The following SERINC5 variants were observed in gnomAD, a reference collection of about 807,000 sequenced individuals.
The protein encoded by SERINC5 is chromosome 5 open reading frame 12.
Under a neutral mutation model 63.1 loss-of-function variants are expected in SERINC5, and 41 were observed. That is an observed-to-expected ratio of 0.65 (90% CI 0.51 to 0.84). The LOEUF (loss-of-function observed/expected upper bound fraction) is 0.84. Ranked by LOEUF, SERINC5 falls within the 40% of genes least tolerant of loss-of-function variation. The pLI, the probability that SERINC5 is intolerant of heterozygous loss-of-function variation, is 0.00. For missense variants in SERINC5, 523 were observed against 573.0 expected, an observed-to-expected ratio of 0.91 and a Z score of 0.89; for synonymous variants, 222 against 215.2, an observed-to-expected ratio of 1.03 and a Z score of -0.28.
intron 12 of SERINC5, chr5:80,111,748 T>A (rs1048586473): frequency 6.6e-6 from 1 of 152,150 alleles, no homozygotes; most frequent in Non-Finnish European, 1.5e-5. Context: ...GTATCACAAG[T>A]GTGTCTATTT....
At chr5:80,202,316 A>C (rs1359850599) in intron 2 of SERINC5, among the ~76,000 whole-genome samples, 1 of 152,184 alleles carries the variant, frequency 6.6e-6, no homozygotes, top group East Asian at 1.9e-4. Context: ...AAAAGATAGT[A>C]TATTTCATCA....
intron 6 of SERINC5, among the ~76,000 whole-genome samples, chr5:80,168,926 G>T (rs903942350): frequency 6.6e-6 from 1 of 152,146 alleles, no homozygotes; most frequent in Admixed American, 6.5e-5. Flanking sequence ...ACTGTCCACA[G>T]CCTTGAGTGA....
chr5:80,180,675 C>G (rs988701157), intron 2 of SERINC5, among the ~76,000 whole-genome samples: 8 of 152,140 alleles, frequency 5.3e-5, no homozygotes, highest in Non-Finnish European at 7.4e-5. Context: ...GAGGCAAATG[C>G]AACATTCTCC....
At chr5:80,222,370 T>C (rs1460431630) in intron 1 of SERINC5, among the ~76,000 whole-genome samples, 2 of 152,086 alleles carry the variant, frequency 1.3e-5, no homozygotes, top group East Asian at 1.9e-4. Flanking sequence ...TTATCTCCTG[T>C]TATTACCTCA....
intron 1 of SERINC5, among the ~76,000 whole-genome samples, chr5:80,232,997 T>C (rs1481858838): frequency 6.6e-6 from 1 of 152,176 alleles, no homozygotes; most frequent in African/African-American, 2.4e-5. Flanking sequence ...TGACTGCTAA[T>C]AAGCATAGAG....
At position 80,145,516 on chromosome 5, in the gene SERINC5, T is replaced by C. The variant is rs114493558; in HGVS notation, c.1238+574A>G. 6.2e-3 allele frequency among the ~76,000 whole-genome samples: 942 copies of C among 151,870 alleles called. 8 individuals carry two copies. The highest frequency in any genetic ancestry group is 0.022 in the African/African-American group (912 of 41,380). On this transcript the variant is annotated intron_variant, in intron 11 of 11. Coordinates refer to ENST00000507668, the MANE Select transcript of SERINC5 (RefSeq NM_001174072.3). ...AAAAAGATGTTTCCAATTTTTGTAA[T>C]GAAAATGAAGAAAAATGGGGAAAAA...
chr5:80,113,248 C>T (rs984849388), intron 12 of SERINC5, among the ~76,000 whole-genome samples: 3 of 152,168 alleles, frequency 2.0e-5, no homozygotes, highest in Admixed American at 2.0e-4. Flanking sequence ...TCAACAAATT[C>T]ATCCCCTCTA....
chr5:80,251,965 T>C (rs559810436), intron 1 of SERINC5, among the ~76,000 whole-genome samples: 3 of 62,754 alleles, frequency 4.8e-5, no homozygotes, highest in Non-Finnish European at 7.2e-5. Context: ...CCAATCCCTA[T>C]TGTCAAACTG....
chr5:80,210,769 C>A (rs983629036), intron 1 of SERINC5, among the ~76,000 whole-genome samples: 2 of 152,204 alleles, frequency 1.3e-5, no homozygotes, highest in African/African-American at 2.4e-5. Flanking sequence ...AACCAGAGAA[C>A]CTGGACTCAA....
In SERINC5 at chr5:80,141,735, C is replaced by T. The variant is rs916400881; in HGVS notation, c.*1928G>A. 3.0e-5 allele frequency: 30 copies of T among 985,350 alleles called. No individual in the cohort carries two copies. Among genetic ancestry groups the T allele is most frequent in the African/African-American group, 8.7e-5 (5 of 57,240 alleles). The allele number at this position is 985,350 out of a possible 1,614,324, so 61.0% of individuals were successfully genotyped here. ...CTAACTGATTCCTCAGGTTAGAACA[C>T]GGCTTTTCATTTTGCGACTCCAGAT... On this transcript the variant is annotated 3_prime_UTR_variant, in exon 12 of 12. Transcript: ENST00000507668.
chr5:80,139,496 A>C lies in SERINC5; in HGVS notation c.*4167T>G. ...CCTTCCCCATTTGTTTCTTTCTGAAAGGATTTTGCTTAAGGAAAAAAAAAG... is the reference window on the plus strand; with the variant it reads ...CCTTCCCCATTTGTTTCTTTCTGAACGGATTTTGCTTAAGGAAAAAAAAAG... On this transcript the variant is annotated 3_prime_UTR_variant, in exon 12 of 12. Coordinates refer to ENST00000507668, the MANE Select transcript of SERINC5 (RefSeq NM_001174072.3). 1.0e-6 allele frequency: 1 copy of C among 985,344 alleles called. No homozygotes were observed. The highest frequency in any genetic ancestry group is 1.2e-6 in the Non-Finnish European group (1 of 829,920). 61.0% of individuals were successfully genotyped at this position (985,344 alleles called of 1,614,324 possible).
At chr5:80,224,941 T>G (rs1388676510) in intron 1 of SERINC5, among the ~76,000 whole-genome samples, 1 of 71,914 alleles carries the variant, frequency 1.4e-5, no homozygotes, top group Non-Finnish European at 2.9e-5. Flanking sequence ...TTTTGTTTTT[T>G]TTTGTTTTTT....
Position 80,113,674 on chromosome 5 carries a change from A to C in SERINC5, c.1239-49T>G, listed in dbSNP as rs148536110. 5.1e-3 allele frequency: 1,107 copies of C among 216,546 alleles called. 10 individuals are homozygous for C. Among genetic ancestry groups the C allele is most frequent in the African/African-American group, 0.012 (520 of 43,024 alleles). 13.4% of individuals were successfully genotyped at this position (216,546 alleles called of 1,614,324 possible). Reference sequence around the variant, plus strand: ...AAAGAGGGAGAAGCAAAAGCAGAAAACCCTGATAAACCCATCAGCTCTCAT... The same window carrying C: ...AAAGAGGGAGAAGCAAAAGCAGAAACCCCTGATAAACCCATCAGCTCTCAT... On this transcript the variant is annotated intron_variant, in intron 11 of 12. Transcript: ENST00000509193.
At position 80,169,485 on chromosome 5, in the gene SERINC5, T is replaced by C. The variant is rs547222343; in HGVS notation, c.613A>G (p.Met205Val). The C allele has an allele frequency of 2.5e-6, 4 of 1,613,948 alleles. No homozygotes were observed. Among genetic ancestry groups the C allele is most frequent in the South Asian group, 1.1e-5 (1 of 91,076 alleles). Reference protein sequence around the residue: ...YASLALVTLIMYSIATGGLVL... With the variant: ...YASLALVTLIVYSIATGGLVL... ...AAGCCTCCAGTGGCAATGGAATACATGATGAGCGTCACCAGGGCCAGGGAG... is the reference window on the plus strand; with the variant it reads ...AAGCCTCCAGTGGCAATGGAATACACGATGAGCGTCACCAGGGCCAGGGAG... The change falls in exon 6 of 12, where the codon ATG (methionine) becomes GTG (valine). Residue 205 changes from methionine (M) to valine (V), a missense_variant. Coordinates refer to ENST00000507668, the MANE Select transcript of SERINC5 (RefSeq NM_001174072.3).
At chr5:80,135,325 C>T (rs1000666670), downstream of SERINC5, among the ~76,000 whole-genome samples, 4 of 152,190 alleles carry the variant, frequency 2.6e-5, no homozygotes, top group Non-Finnish European at 4.4e-5. Context: ...TGAGCCACCA[C>T]GCCAGGCCCA....
At position 80,209,718 on chromosome 5, in the gene SERINC5, C is replaced by G. The variant is rs570359052; in HGVS notation, c.28-6665G>C. Among the ~76,000 whole-genome samples, 8 of 152,224 alleles carry G rather than the reference C, an allele frequency of 5.3e-5. No homozygotes were observed. The South Asian group carries it at 1.7e-3, about 32-fold the overall frequency. On this transcript the variant is annotated intron_variant, in intron 1 of 11. Coordinates refer to ENST00000507668, the MANE Select transcript of SERINC5 (RefSeq NM_001174072.3). ...TTACCATGTGCATGCATTACTCTTA[C>G]AGTTAAAAAATGAAGAAAACTGACT...
Position 80,138,739 on chromosome 5 carries a change from G to GAT in SERINC5, c.*4922_*4923dup, listed in dbSNP as rs1254028711. 2 of 828,430 alleles carry GAT rather than the reference G, an allele frequency of 2.4e-6. No individual in the cohort carries two copies. Among genetic ancestry groups the GAT allele is most frequent in the African/African-American group, 3.7e-5 (2 of 54,028 alleles). 51.3% of individuals were successfully genotyped at this position (828,430 alleles called of 1,614,324 possible). A position where few individuals can be genotyped will look rare whatever the true frequency, so the allele number is the denominator to read the frequency against. ...TCAAAACATCATGTTGCACACCACA[G>GAT]ATATATATCTTTTATTTGTCAATTA... is the stretch of plus-strand genomic sequence containing the variant. On this transcript the variant is annotated 3_prime_UTR_variant, in exon 12 of 12. Coordinates refer to ENST00000507668, the MANE Select transcript of SERINC5 (RefSeq NM_001174072.3).
At chr5:80,245,856 C>G (rs1252664204) in intron 1 of SERINC5, among the ~76,000 whole-genome samples, 2 of 151,436 alleles carry the variant, frequency 1.3e-5, no homozygotes, top group Non-Finnish European at 2.9e-5. Flanking sequence ...CTCAGGTGAT[C>G]CACCCGCCTC....
Position 80,139,442 on chromosome 5 carries a change from G to A in SERINC5, c.*4221C>T, listed in dbSNP as rs780469314. On this transcript the variant is annotated 3_prime_UTR_variant, in exon 12 of 12. Coordinates refer to ENST00000507668, the MANE Select transcript of SERINC5 (RefSeq NM_001174072.3). Reference sequence around the variant, plus strand: ...AATATGATTAAACTCCTATAGAAGTGGATTGGGACATATGCATTCTTAATC... The same window carrying A: ...AATATGATTAAACTCCTATAGAAGTAGATTGGGACATATGCATTCTTAATC... The A allele has an allele frequency of 2.0e-4, 200 of 984,994 alleles. No homozygotes were observed. The highest frequency in any genetic ancestry group is 2.3e-4 in the Non-Finnish European group (190 of 829,784). The allele number at this position is 984,994 out of a possible 1,614,324, so 61.0% of individuals were successfully genotyped here. A position where few individuals can be genotyped will look rare whatever the true frequency, so the allele number is the denominator to read the frequency against.
Sources: allele counts gnomAD v4.1 joint callset (sites outside exome capture counted in the v4.1 genomes callset), GRCh38; gene constraint gnomAD v4.1.1; transcripts MANE v1.5; gene names NCBI Gene and HGNC (gene_info 2026-07-23, HGNC 2026-07-21).